Variants in LUC7L observed in about 807,000 individuals in gnomAD.
LUC7L encodes the protein LUC7 like.
LUC7L carries 29 observed loss-of-function variants against 51.1 expected under a neutral mutation model. The ratio of observed to expected loss-of-function variants is 0.57; its 90% CI spans 0.42 to 0.77. LUC7L has a LOEUF of 0.77. Among genes scored for constraint, LUC7L ranks in the 30% least tolerant of loss-of-function variants. The pLI is 0.00. For missense variants in LUC7L, 403 were observed against 511.9 expected, an observed-to-expected ratio of 0.79 and a Z score of 2.05; for synonymous variants, 181 against 180.7, an observed-to-expected ratio of 1.00 and a Z score of -0.01.
chr16:221,186 ATTTTTT>A lies in LUC7L; in HGVS notation c.157-445_157-440del, dbSNP rs372906826. 2.8e-3 allele frequency among the ~76,000 whole-genome samples: 279 copies of A among 101,198 alleles called. 1 individual carries two copies. Among genetic ancestry groups the A allele is most frequent in the African/African-American group, 9.4e-3 (252 of 26,858 alleles). 66.4% of individuals were successfully genotyped at this position (101,198 alleles called of 152,430 possible). A position where few individuals can be genotyped will look rare whatever the true frequency, so the allele number is the denominator to read the frequency against. Reference sequence around the variant, plus strand: ...AGGCACGTGATACCACACCCAGCTAATTTTTTTTTTTTTTTTTTTTTTTTTTTTTTG... The same window carrying A: ...AGGCACGTGATACCACACCCAGCTAATTTTTTTTTTTTTTTTTTTTTTTTG... On this transcript the variant is annotated intron_variant, in intron 2 of 9. Transcript: ENST00000293872.
intron 1 of LUC7L, chr16:227,954 A>C: frequency 1.9e-6 from 2 of 1,026,448 alleles, no homozygotes; most frequent in South Asian, 7.1e-5. Context: ...TAGGTTAGTC[A>C]ATACACACTG....
rs184516407 is a variant in LUC7L at position 229,417 on chromosome 16, G to A, written c.-78C>T. 3.6e-5 allele frequency: 47 copies of A among 1,305,532 alleles called. No homozygotes were observed. Among genetic ancestry groups the A allele is most frequent in the East Asian group, 6.1e-5 (2 of 32,862 alleles). The allele number at this position is 1,305,532 out of a possible 1,614,324, so 80.9% of individuals were successfully genotyped here. ...GGTGGCAGCGGCGTCGACAAACGAT[G>A]GTCGCGTCGGCCTCGAGCCCACTCG... On this transcript the variant is annotated 5_prime_UTR_variant, in exon 1 of 10. Transcript: ENST00000293872.
chr16:215,883 A>G (rs1379000893), intron 3 of LUC7L, among the ~76,000 whole-genome samples: 4 of 151,568 alleles, frequency 2.6e-5, no homozygotes, highest in East Asian at 3.9e-4. Flanking sequence ...CTAATTTTCT[A>G]TTTTTTTTCT....
In LUC7L at chr16:208,360, C is replaced by T. The variant is rs530741062; in HGVS notation, c.256-172G>A. On this transcript the variant is annotated intron_variant, in intron 3 of 9. Transcript: ENST00000293872. The stretch of plus-strand genomic sequence containing the variant: ...TAACGCATTCATAATTGCATTAAAT[C>T]AAGGGGATCTGTTAAACAGAATGAT... 67 of 550,844 alleles carry T rather than the reference C, an allele frequency of 1.2e-4. 1 individual carries two copies. The South Asian group carries it at 1.5e-3, about 12-fold the overall frequency. The allele number at this position is 550,844 out of a possible 1,614,324, so 34.1% of individuals were successfully genotyped here. A position where few individuals can be genotyped will look rare whatever the true frequency, so the allele number is the denominator to read the frequency against.
intron 4 of LUC7L, among the ~76,000 whole-genome samples, chr16:207,499 C>T (rs1567182159): frequency 6.6e-6 from 1 of 152,108 alleles, no homozygotes. Flanking sequence ...GGACTACAAG[C>T]ATAAGCCACC....
chr16:229,152 C>T, intron 1 of LUC7L, 127 bp downstream of exon 1: 4 of 1,427,628 alleles, frequency 2.8e-6, no homozygotes, highest in Non-Finnish European at 3.6e-6. Flanking sequence ...GGTCGGAGCG[C>T]GGGGGAGGAG....
intron 5 of LUC7L, among the ~76,000 whole-genome samples, chr16:201,170 G>GGA (rs750823709): frequency 1.8e-4 from 13 of 70,368 alleles, no homozygotes; most frequent in Admixed American, 1.4e-3. Context: ...CTCTGTCTGA[G>GGA]AAAAAAAAAA....
chr16:221,795 G>A (rs765905015), intron 2 of LUC7L, among the ~76,000 whole-genome samples: 1 of 152,180 alleles, frequency 6.6e-6, no homozygotes, highest in African/African-American at 2.4e-5. Context: ...TACTTGAGAT[G>A]CTCGATGCTT....
At chr16:190,498 G>GAA in intron 8 of LUC7L, 43 bp downstream of exon 8, 2 of 1,580,650 alleles carry the variant, frequency 1.3e-6, no homozygotes, top group South Asian at 1.1e-5. Flanking sequence ...AATGCTTATG[G>GAA]AAAAAAAAAT....
intron 3 of LUC7L, among the ~76,000 whole-genome samples, chr16:218,022 T>G (rs2142101874): frequency 9.0e-6 from 1 of 110,728 alleles, no homozygotes; most frequent in South Asian, 3.0e-4. Flanking sequence ...CAAAACTATA[T>G]CTCCAAAAAA....
intron 5 of LUC7L, among the ~76,000 whole-genome samples, chr16:201,082 T>C (rs930351757): frequency 3.3e-5 from 5 of 149,304 alleles, no homozygotes; most frequent in Non-Finnish European, 5.9e-5. Flanking sequence ...AGTCTGAGAA[T>C]TACTTGAACC....
intron 6 of LUC7L, 104 bp downstream of exon 6, chr16:198,958 G>T: frequency 8.7e-7 from 1 of 1,144,516 alleles, no homozygotes; most frequent in South Asian, 1.8e-5. Context: ...GGGATTATAG[G>T]CATCAGCCAC....
intron 6 of LUC7L, among the ~76,000 whole-genome samples, chr16:198,275 T>C (rs1169727766): frequency 2.3e-4 from 13 of 56,864 alleles, no homozygotes; most frequent in African/African-American, 1.3e-3. Flanking sequence ...CGAGACTCCA[T>C]CTCAAAAAAA....
chr16:203,177 C>A (rs1483009999), intron 5 of LUC7L, among the ~76,000 whole-genome samples: 1 of 152,070 alleles, frequency 6.6e-6, no homozygotes, highest in Non-Finnish European at 1.5e-5. Context: ...TTGAAAGACA[C>A]AATCTGCCAA....
intron 3 of LUC7L, among the ~76,000 whole-genome samples, chr16:215,349 G>A (rs568360052): frequency 9.9e-5 from 15 of 151,432 alleles, no homozygotes; most frequent in Admixed American, 7.9e-4. Flanking sequence ...GGCCGGGCGC[G>A]GTGGCTCACA....
At chr16:225,899 G>A (rs2050119290) in intron 2 of LUC7L, among the ~76,000 whole-genome samples, 1 of 152,144 alleles carries the variant, frequency 6.6e-6, no homozygotes, top group African/African-American at 2.4e-5. Flanking sequence ...TCTGGCCAAG[G>A]AAAACATGGT....
At chr16:219,416 T>A (rs569738161) in intron 3 of LUC7L, among the ~76,000 whole-genome samples, 1 of 152,004 alleles carries the variant, frequency 6.6e-6, no homozygotes, top group African/African-American at 2.4e-5. Context: ...AAAATTAAAA[T>A]AAATTAAATA....
intron 5 of LUC7L, among the ~76,000 whole-genome samples, chr16:201,170 GAA>G (rs36033830): frequency 1.4e-5 from 1 of 70,370 alleles, no homozygotes; most frequent in Non-Finnish European, 2.4e-5. Flanking sequence ...CTCTGTCTGA[GAA>G]AAAAAAAAAA....
At position 228,847 on chromosome 16, in the gene LUC7L, G is replaced by A. The variant is rs753299107; in HGVS notation, c.61+432C>T. Reference sequence around the variant, plus strand: ...AATGGTACAGAACCAGAGCGGGCCAGGTTTTCGAGGCCCATCCGGCTCCCT... The same window carrying A: ...AATGGTACAGAACCAGAGCGGGCCAAGTTTTCGAGGCCCATCCGGCTCCCT... On this transcript the variant is annotated intron_variant, in intron 1 of 9. Coordinates refer to ENST00000293872, the MANE Select transcript of LUC7L (RefSeq NM_201412.3). 3.2e-5 allele frequency: 41 copies of A among 1,296,386 alleles called. No homozygotes were observed. In the South Asian group the frequency reaches 5.1e-4, roughly 16 times the overall value. The allele number at this position is 1,296,386 out of a possible 1,614,324, so 80.3% of individuals were successfully genotyped here.
Sources: gnomAD v4.1 joint callset for allele counts (sites outside exome capture counted in the v4.1 genomes callset) on GRCh38, gnomAD v4.1.1 for gene constraint, MANE v1.5 for transcripts, NCBI Gene and HGNC (gene_info 2026-07-23, HGNC 2026-07-21) for gene names.